The following SCAP variants were observed in gnomAD, a reference collection of about 807,000 sequenced individuals.
SCAP encodes the protein SREBF chaperone.
A neutral mutation model predicts 123.6 loss-of-function variants in SCAP; 65 were observed. The ratio of observed to expected loss-of-function variants is 0.53; its 90% CI spans 0.43 to 0.65. The LOEUF is 0.65. Among genes scored for constraint, SCAP ranks in the 30% least tolerant of loss-of-function variants. The pLI is 0.00. For synonymous variants in SCAP, 740 were observed against 726.3 expected, an observed-to-expected ratio of 1.02 and a Z score of -0.30; for missense variants, 1,398 against 1,712.5, an observed-to-expected ratio of 0.82 and a Z score of 3.24.
rs749349363 is a variant in SCAP, at chr3:47,418,811, G to A, written c.1973C>T (p.Thr658Met). Residue 658 changes from threonine (T) to methionine (M), a missense_variant, in exon 14 of 23, where the codon ACG (threonine) becomes ATG (methionine). By Grantham distance (81) the Thr-to-Met change is moderately conservative (BLOSUM62 -1). This residue lies in a region of SCAP where 828 missense variants were observed against 882.5 expected (regional missense o/e 0.94). Coordinates refer to ENST00000265565, the MANE Select transcript of SCAP (RefSeq NM_012235.4). ...YISLLPVIPVTLRLNPREALE... is the reference protein window; with the variant it reads ...YISLLPVIPVMLRLNPREALE... Reference sequence around the variant, plus strand: ...AGCCTCCCTCGGGTTCAGGCGGAGCGTGACTGGGATGACGGGCAGCAGGCT... The same window carrying A: ...AGCCTCCCTCGGGTTCAGGCGGAGCATGACTGGGATGACGGGCAGCAGGCT... 2.3e-5 allele frequency: 36 copies of A among 1,535,094 alleles called. No individual in the cohort carries two copies. The highest frequency in any genetic ancestry group is 1.8e-4 in the Middle Eastern group (1 of 5,708).
intron 8 of SCAP, among the ~76,000 whole-genome samples, chr3:47,424,770 A>G (rs1418637530): frequency 6.6e-6 from 1 of 152,186 alleles, no homozygotes; most frequent in Non-Finnish European, 1.5e-5. Flanking sequence ...CAGAAACAAA[A>G]TACGACGTCG....
At chr3:47,449,353 C>T (rs992425746) in intron 1 of SCAP, among the ~76,000 whole-genome samples, 3 of 123,894 alleles carry the variant, frequency 2.4e-5, no homozygotes, top group African/African-American at 8.3e-5. Flanking sequence ...TTTAATTTCC[C>T]TAACCTGCTG....
In SCAP at chr3:47,451,090, C is replaced by G. The variant is rs755058883; in HGVS notation, c.-98-7999G>C. 3.0e-4 allele frequency among the ~76,000 whole-genome samples: 37 copies of G among 122,586 alleles called. 9 individuals are homozygous for G. Among genetic ancestry groups the G allele is most frequent in the Admixed American group, 5.4e-4 (6 of 11,018 alleles). 80.4% of individuals were successfully genotyped at this position (122,586 alleles called of 152,430 possible). A position where few individuals can be genotyped will look rare whatever the true frequency, so the allele number is the denominator to read the frequency against. On this transcript the variant is annotated intron_variant, in intron 1 of 22. Transcript: ENST00000265565. ...TTGGTCTTGAACTCCTGGTTTCAAGCAATCCTCCTGCCTCAGCCTCCCAAA... is the reference window on the plus strand; with the variant it reads ...TTGGTCTTGAACTCCTGGTTTCAAGGAATCCTCCTGCCTCAGCCTCCCAAA...
At chr3:47,462,784 A>G (rs936725872) in intron 1 of SCAP, among the ~76,000 whole-genome samples, 13 of 151,574 alleles carry the variant, frequency 8.6e-5, no homozygotes, top group Non-Finnish European at 1.5e-4. Flanking sequence ...AGAAAGAAAG[A>G]AAGGAAAACA....
chr3:47,444,033 G>A (rs1372934334), intron 1 of SCAP, among the ~76,000 whole-genome samples: 6 of 151,870 alleles, frequency 4.0e-5, no homozygotes, highest in African/African-American at 1.2e-4. Context: ...TTTTTTTTCC[G>A]TTTTGTAAGC....
intron 18 of SCAP, among the ~76,000 whole-genome samples, chr3:47,416,878 G>A (rs575330881): frequency 4.0e-5 from 6 of 151,702 alleles, no homozygotes; most frequent in African/African-American, 1.2e-4. Context: ...CGCCCGCCTC[G>A]GCCTCCCAAA....
intron 2 of SCAP, among the ~76,000 whole-genome samples, chr3:47,436,633 GA>G (rs200462184): frequency 2.0e-5 from 3 of 147,790 alleles, no homozygotes. Flanking sequence ...CATCTCAAGT[GA>G]AAAAAAAAGA....
At chr3:47,454,632 G>C (rs1007241238) in intron 1 of SCAP, among the ~76,000 whole-genome samples, 1 of 152,024 alleles carries the variant, frequency 6.6e-6, no homozygotes, top group Non-Finnish European at 1.5e-5. Context: ...GGGTGGCTGA[G>C]GCAGGAGAAT....
chr3:47,444,053 C>A (rs1453191720), intron 1 of SCAP, among the ~76,000 whole-genome samples: 1 of 152,222 alleles, frequency 6.6e-6, no homozygotes, highest in South Asian at 2.1e-4. Context: ...CTATTCTATA[C>A]CCTTCTAATA....
chr3:47,435,080 AG>A lies in SCAP; in HGVS notation c.179del (p.Pro60LeufsTer2). On this transcript the variant is annotated frameshift_variant, in exon 3 of 23. Transcript: ENST00000265565. LOFTEE classifies it high-confidence loss of function. ...PGTGPVEFTT[P>X]VKDYSPPPVD... ...CAGGTGGGGGCGAGTAATCCTTCACAGGGGTGGTGAATTCCACAGGTCCTGT... is the reference window on the plus strand; with the variant it reads ...CAGGTGGGGGCGAGTAATCCTTCACAGGGTGGTGAATTCCACAGGTCCTGT... 1 of 1,614,088 alleles carries A rather than the reference AG, an allele frequency of 6.2e-7. No individual in the cohort carries two copies. The highest frequency in any genetic ancestry group is 8.5e-7 in the Non-Finnish European group (1 of 1,179,982).
chr3:47,417,055 A>ACT, intron 18 of SCAP, 67 bp downstream of exon 18: 1 of 1,409,922 alleles, frequency 7.1e-7, no homozygotes, highest in Non-Finnish European at 1.0e-6. Context: ...AGAACTCAAG[A>ACT]CTCAAGAGAG....
intron 1 of SCAP, among the ~76,000 whole-genome samples, chr3:47,467,522 T>C (rs185748709): frequency 9.9e-5 from 15 of 152,036 alleles, no homozygotes; most frequent in African/African-American, 3.6e-4. Flanking sequence ...GGAGGATCAC[T>C]TGGGACCAGA....
intron 1 of SCAP, among the ~76,000 whole-genome samples, chr3:47,457,734 C>T (rs1014500281): frequency 6.6e-6 from 1 of 151,560 alleles, no homozygotes; most frequent in African/African-American, 2.4e-5. Context: ...AGTGAAACCC[C>T]GTCTCTACTA....
intron 1 of SCAP, among the ~76,000 whole-genome samples, chr3:47,458,305 T>C (rs1254445581): frequency 1.3e-5 from 2 of 152,198 alleles, no homozygotes; most frequent in African/African-American, 2.4e-5. Flanking sequence ...GGCATGCGTC[T>C]GTAATTCCAG....
chr3:47,416,920 C>T (rs1356717004), intron 18 of SCAP, among the ~76,000 whole-genome samples: 1 of 152,182 alleles, frequency 6.6e-6, no homozygotes, highest in African/African-American at 2.4e-5. Flanking sequence ...GCCACCGCGC[C>T]CGGCCACCCC....
chr3:47,451,992 T>C (rs1194398251), intron 1 of SCAP, among the ~76,000 whole-genome samples: 8 of 152,218 alleles, frequency 5.3e-5, no homozygotes, highest in Admixed American at 5.2e-4. Context: ...CTCTTCTCTT[T>C]ATAGGCTGGT....
chr3:47,429,018 G>T lies in SCAP; in HGVS notation c.253-348C>A, dbSNP rs994479245. ...CGGAATTTGCACATGGGACCTGTGA[G>T]GTGGCATCAAGAGATAACTGGGCAT... On this transcript the variant is annotated intron_variant, in intron 3 of 22. Coordinates refer to ENST00000265565, the MANE Select transcript of SCAP (RefSeq NM_012235.4). The T allele has an allele frequency of 1.3e-5, 3 of 222,580 alleles. No homozygotes were observed. The South Asian group carries it at 2.1e-4, about 15-fold the overall frequency. The allele number at this position is 222,580 out of a possible 1,614,324, so 13.8% of individuals were successfully genotyped here.
intron 1 of SCAP, among the ~76,000 whole-genome samples, chr3:47,466,589 T>C (rs561492072): frequency 3.4e-4 from 52 of 152,278 alleles, no homozygotes; most frequent in African/African-American, 1.2e-3. Context: ...GAAAACTGGA[T>C]AGTTACACGC....
intron 1 of SCAP, among the ~76,000 whole-genome samples, chr3:47,445,412 A>AT (rs1257682564): frequency 6.6e-6 from 1 of 150,906 alleles, no homozygotes; most frequent in Non-Finnish European, 1.5e-5. Context: ...ACGCCCAGCT[A>AT]TTTTTTCGTA....
Sources: allele counts gnomAD v4.1 joint callset (sites outside exome capture counted in the v4.1 genomes callset), GRCh38; gene constraint gnomAD v4.1.1; regional missense constraint gnomAD v4.1.1; transcripts MANE v1.5; gene names NCBI Gene and HGNC (gene_info 2026-07-23, HGNC 2026-07-21).